The following BTBD16 variants were observed in gnomAD, a reference collection of about 807,000 sequenced individuals.
BTBD16 encodes the protein BTB domain containing 16.
In BTBD16, 66 loss-of-function variants were observed where a neutral mutation model predicts 67.4. The ratio of observed to expected loss-of-function variants is 0.98; its 90% CI spans 0.80 to 1.20. The LOEUF (loss-of-function observed/expected upper bound fraction) is 1.20, where lower values mean the gene tolerates loss of function less well. BTBD16 is among the 50% of genes most tolerant of loss of function. The pLI, the probability that BTBD16 is intolerant of heterozygous loss-of-function variation, is 0.00. For synonymous variants in BTBD16, 242 were observed against 236.4 expected (o/e 1.02, Z -0.22); for missense variants, 634 against 616.0 (o/e 1.03, Z -0.31).
At chr10:122,334,833 C>A in intron 13 of BTBD16, 48 bp from the exon 14 acceptor site, 1 of 1,213,864 alleles carries the variant, frequency 8.2e-7, no homozygotes, top group Non-Finnish European at 1.2e-6. Context: ...ACTTTGAATA[C>A]TAAATATTTT....
At chr10:122,277,857 A>T (rs2096344252) in intron 3 of BTBD16, among the ~76,000 whole-genome samples, 1 of 152,140 alleles carries the variant, frequency 6.6e-6, no homozygotes. Flanking sequence ...ATTTGTAGCA[A>T]CCCTATTGCA....
intron 10 of BTBD16, among the ~76,000 whole-genome samples, chr10:122,323,807 G>A (rs2096439593): frequency 6.6e-6 from 1 of 152,138 alleles, no homozygotes; most frequent in Admixed American, 6.5e-5. Flanking sequence ...GGATAATGAG[G>A]AGGTTACTTA....
chr10:122,311,646 A>T (rs2096413891), intron 10 of BTBD16, among the ~76,000 whole-genome samples: 2 of 152,238 alleles, frequency 1.3e-5, no homozygotes, highest in Non-Finnish European at 2.9e-5. Context: ...TTAAAAGAAC[A>T]TTTTAAAATC....
intron 8 of BTBD16, 101 bp from the exon 9 acceptor site, chr10:122,298,903 A>C: frequency 6.7e-7 from 1 of 1,489,922 alleles, no homozygotes; most frequent in Non-Finnish European, 9.0e-7. Context: ...GCGCCTCTGC[A>C]GTGACTCTCC....
At chr10:122,287,372 C>T (rs572479676) in intron 5 of BTBD16, 47 of 942,764 alleles carry the variant, frequency 5.0e-5, no homozygotes, top group South Asian at 2.4e-4. Flanking sequence ...GAGTCATTAA[C>T]GTTACGGTCT....
At chr10:122,337,910 G>C (rs1448340909) in intron 15 of BTBD16, 107 bp from the exon 16 acceptor site, 1 of 864,344 alleles carries the variant, frequency 1.2e-6, no homozygotes, top group African/African-American at 1.7e-5. Context: ...AACCATAGTT[G>C]AGAGCCAGCA....
At chr10:122,280,135 C>T (rs772506794) in intron 3 of BTBD16, among the ~76,000 whole-genome samples, 21 of 152,260 alleles carry the variant, frequency 1.4e-4, no homozygotes, top group African/African-American at 4.6e-4. Flanking sequence ...AACTTCCTTG[C>T]GAGTACTCTA....
chr10:122,273,193 T>C (rs1384020101), intron 1 of BTBD16, among the ~76,000 whole-genome samples: 1 of 136,980 alleles, frequency 7.3e-6, no homozygotes, highest in Admixed American at 7.8e-5. Context: ...GGAAGACTAT[T>C]TCATAGAAAT....
intron 8 of BTBD16, 66 bp downstream of exon 8, chr10:122,297,903 G>A: frequency 6.8e-7 from 1 of 1,469,278 alleles, no homozygotes; most frequent in South Asian, 1.2e-5. Context: ...CTAGATGCTG[G>A]GATTTTACCC....
intron 5 of BTBD16, among the ~76,000 whole-genome samples, chr10:122,286,943 C>T (rs890427096): frequency 2.0e-5 from 3 of 152,170 alleles, no homozygotes; most frequent in African/African-American, 7.2e-5. Context: ...ACGGAAAATT[C>T]GAGGCCCCCA....
At chr10:122,291,898 G>T (rs1413943363) in intron 7 of BTBD16, among the ~76,000 whole-genome samples, 1 of 152,150 alleles carries the variant, frequency 6.6e-6, no homozygotes, top group African/African-American at 2.4e-5. Context: ...GGAGGAGGTG[G>T]TGGGGAACCA....
intron 10 of BTBD16, among the ~76,000 whole-genome samples, chr10:122,324,802 T>TA (rs1431726805): frequency 6.6e-6 from 1 of 152,194 alleles, no homozygotes; most frequent in Non-Finnish European, 1.5e-5. Flanking sequence ...GCTTAGTTCT[T>TA]ACTAACTTTC....
intron 8 of BTBD16, among the ~76,000 whole-genome samples, chr10:122,298,099 C>T (rs934313199): frequency 6.6e-5 from 10 of 152,088 alleles, no homozygotes; most frequent in African/African-American, 2.4e-4. Flanking sequence ...CCTTTCTCAC[C>T]GAAACAGCCG....
intron 1 of BTBD16, among the ~76,000 whole-genome samples, chr10:122,272,386 G>A (rs2142035944): frequency 6.6e-6 from 1 of 152,156 alleles, no homozygotes; most frequent in African/African-American, 2.4e-5. Context: ...TTGTTTCCCA[G>A]GCTGGAGTGC....
At chr10:122,301,818 G>A (rs1309723613) in intron 9 of BTBD16, among the ~76,000 whole-genome samples, 1 of 152,182 alleles carries the variant, frequency 6.6e-6, no homozygotes, top group African/African-American at 2.4e-5. Flanking sequence ...GGTGGTCACA[G>A]TTATTATCCC....
chr10:122,281,420 G>A (rs768192758), intron 3 of BTBD16, among the ~76,000 whole-genome samples: 2 of 151,288 alleles, frequency 1.3e-5, no homozygotes, highest in Non-Finnish European at 1.5e-5. Flanking sequence ...ATGAGGTCTC[G>A]CGCAGTTGCC....
intron 4 of BTBD16, among the ~76,000 whole-genome samples, chr10:122,284,442 C>A (rs1203787113): frequency 8.9e-6 from 1 of 112,548 alleles, no homozygotes; most frequent in Non-Finnish European, 1.9e-5. Context: ...GAGCAAGACT[C>A]CATCTCAAAA....
chr10:122,279,949 A>G (rs542869719), intron 3 of BTBD16, among the ~76,000 whole-genome samples: 54 of 152,160 alleles, frequency 3.5e-4, no homozygotes, highest in African/African-American at 1.3e-3. Flanking sequence ...CGGGTATGTA[A>G]TTGTGCCCAG....
At chr10:122,330,175 T>C (rs1416067390) in intron 11 of BTBD16, among the ~76,000 whole-genome samples, 21 of 152,140 alleles carry the variant, frequency 1.4e-4, no homozygotes, top group Non-Finnish European at 1.5e-5. Flanking sequence ...AAGTTGCTTC[T>C]AAACACTCCA....
Sources: allele counts gnomAD v4.1 joint callset (sites outside exome capture counted in the v4.1 genomes callset), GRCh38; gene constraint gnomAD v4.1.1; transcripts MANE v1.5; gene names NCBI Gene and HGNC (gene_info 2026-07-23, HGNC 2026-07-21).